IL12B: variants seen among roughly 807,000 people sequenced by gnomAD.
The protein encoded by IL12B is interleukin 12B.
Under a neutral mutation model 39.2 loss-of-function variants are expected in IL12B, and 27 were observed. The observed-to-expected ratio is 0.69, with a 90% confidence interval of 0.51 to 0.95. The LOEUF is 0.95. IL12B is among the 40% of genes least tolerant of loss of function. The pLI is 0.00. For missense variants in IL12B, 351 were observed against 397.6 expected, an observed-to-expected ratio of 0.88 and a Z score of 1.00; for synonymous variants, 142 against 152.1, an observed-to-expected ratio of 0.93 and a Z score of 0.49.
intron 1 of IL12B, among the ~76,000 whole-genome samples, chr5:159,328,213 T>C (rs561256946): frequency 2.6e-5 from 4 of 152,320 alleles, no homozygotes; most frequent in African/African-American, 9.6e-5. Flanking sequence ...TGGACACTGC[T>C]CAGTGCTGTC....
chr5:159,316,781 C>T lies in IL12B; in HGVS notation c.891G>A (p.Thr297=), dbSNP rs186003445. Residue 297 remains threonine (T), a synonymous_variant, in exon 7 of 8, where the codon ACG becomes ACA. Coordinates refer to ENST00000231228, the MANE Select transcript of IL12B (RefSeq NM_002187.3). ...TGCTGGCATTTTTGCGGCAGATGACCGTGGCTGAGGTCTTGTCCGTGAAGA... is the reference window on the plus strand; with the variant it reads ...TGCTGGCATTTTTGCGGCAGATGACTGTGGCTGAGGTCTTGTCCGTGAAGA... ...DRVFTDKTSA[T]VICRKNASIS... 72 of 1,614,094 alleles carry T rather than the reference C, an allele frequency of 4.5e-5. No individual in the cohort carries two copies. The highest frequency in any genetic ancestry group is 1.3e-4 in the African/African-American group (10 of 75,036).
In IL12B at chr5:159,318,935, T is replaced by C. The variant is rs1349384120; in HGVS notation, c.698-42A>G. 11 of 1,569,586 alleles carry C rather than the reference T, an allele frequency of 7.0e-6. No individual in the cohort carries two copies. The Admixed American group carries it at 1.8e-4, about 26-fold the overall frequency. ...ACATGCTTTATTTTCCTAATAAGGC[T>C]TTGGAGTTCAGTGGTTTTGGCTTAT... is the stretch of plus-strand genomic sequence containing the variant. On this transcript the variant is annotated intron_variant, in intron 5 of 7. Coordinates refer to ENST00000231228, the MANE Select transcript of IL12B (RefSeq NM_002187.3).
chr5:159,316,449 G>T (rs1753990923), intron 7 of IL12B, among the ~76,000 whole-genome samples: 1 of 152,208 alleles, frequency 6.6e-6, no homozygotes, highest in Non-Finnish European at 1.5e-5. Flanking sequence ...CTCTTTAGGA[G>T]GCCAGAACCC....
intron 1 of IL12B, among the ~76,000 whole-genome samples, 185 bp from the exon 2 acceptor site, chr5:159,326,967 T>G (rs1016465827): frequency 1.3e-5 from 2 of 152,128 alleles, no homozygotes; most frequent in African/African-American, 4.8e-5. Context: ...AAGCAAATAC[T>G]AAGTAAATTA....
intron 2 of IL12B, among the ~76,000 whole-genome samples, chr5:159,326,476 A>G (rs1754191492): frequency 6.6e-6 from 1 of 152,232 alleles, no homozygotes. Flanking sequence ...GTCTTTCCCC[A>G]CCATAGTGTA....
chr5:159,316,418 C>T (rs997093787), intron 7 of IL12B, among the ~76,000 whole-genome samples: 11 of 152,242 alleles, frequency 7.2e-5, no homozygotes, highest in African/African-American at 2.7e-4. Context: ...TCCTGGCTAC[C>T]TCTCTCTTTT....
intron 5 of IL12B, among the ~76,000 whole-genome samples, chr5:159,319,913 C>T (rs900969306): frequency 7.9e-5 from 12 of 152,142 alleles, no homozygotes; most frequent in African/African-American, 2.9e-4. Context: ...TTTTCAAATG[C>T]TAAGGAAGGA....
At chr5:159,326,649 G>T in intron 2 of IL12B, 46 bp downstream of exon 2, 1 of 1,371,226 alleles carries the variant, frequency 7.3e-7, no homozygotes, top group Non-Finnish European at 1.0e-6. Context: ...CAAGAGTCCT[G>T]GCTTAGAAGT....
rs981937590 is a variant in IL12B, at chr5:159,318,640, G to A, written c.855+96C>T. The stretch of plus-strand genomic sequence containing the variant: ...GTATCCCTGTTGTTAAGTGATACAT[G>A]GATGTCATTGTTATTATCATCATTC... On this transcript the variant is annotated intron_variant, in intron 6 of 7. Transcript: ENST00000231228. The A allele has an allele frequency of 2.7e-6, 3 of 1,104,504 alleles. No homozygotes were observed. In the African/African-American group the frequency reaches 4.6e-5, roughly 17 times the overall value. The allele number at this position is 1,104,504 out of a possible 1,614,324, so 68.4% of individuals were successfully genotyped here. A position where few individuals can be genotyped will look rare whatever the true frequency, so the allele number is the denominator to read the frequency against.
chr5:159,325,956 CTA>C (rs1754182038), intron 2 of IL12B, among the ~76,000 whole-genome samples: 1 of 152,152 alleles, frequency 6.6e-6, no homozygotes, highest in Non-Finnish European at 1.5e-5. Context: ...ATTAACTATT[CTA>C]TTAGTCTACT....
At chr5:159,329,580 C>T (rs1432392742) in intron 1 of IL12B, among the ~76,000 whole-genome samples, 1 of 152,076 alleles carries the variant, frequency 6.6e-6, no homozygotes, top group Non-Finnish European at 1.5e-5. Context: ...TGCACTTTAC[C>T]CCCAGAGTCC....
chr5:159,323,958 C>T (rs1004389033), intron 2 of IL12B, among the ~76,000 whole-genome samples: 1 of 150,718 alleles, frequency 6.6e-6, no homozygotes, highest in African/African-American at 2.4e-5. Flanking sequence ...ACAGTAAATT[C>T]GGTGTTAGTT....
chr5:159,327,263 C>T (rs1754207292), intron 1 of IL12B, among the ~76,000 whole-genome samples: 1 of 152,174 alleles, frequency 6.6e-6, no homozygotes, highest in South Asian at 2.1e-4. Context: ...TACTTTTACT[C>T]AATAAATATT....
chr5:159,330,326 A>G (rs1033049558), intron 1 of IL12B, 106 bp downstream of exon 1: 5 of 152,176 alleles, frequency 3.3e-5, no homozygotes, highest in Non-Finnish European at 5.9e-5. Context: ...GGAATCCACC[A>G]ACTCCCTCCT....
intron 2 of IL12B, 56 bp downstream of exon 2, chr5:159,326,639 C>A (rs1446887256): frequency 7.8e-7 from 1 of 1,275,928 alleles, no homozygotes; most frequent in Non-Finnish European, 1.1e-6. Flanking sequence ...AGTGGCTGCC[C>A]AAGAGTCCTG....
intron 2 of IL12B, among the ~76,000 whole-genome samples, chr5:159,325,820 C>A (rs944844499): frequency 6.6e-6 from 1 of 152,120 alleles, no homozygotes; most frequent in African/African-American, 2.4e-5. Context: ...AGATAGTAAT[C>A]GCCAACATTA....
rs772801025 is a variant in IL12B at position 159,322,437 on chromosome 5, T to C, written c.439A>G (p.Thr147Ala). 6.2e-7 allele frequency: 1 copy of C among 1,613,756 alleles called. No homozygotes were observed. Among genetic ancestry groups the C allele is most frequent in the Non-Finnish European group, 8.5e-7 (1 of 1,179,632 alleles). The change falls in exon 4 of 8, where the codon ACA becomes GCA. Residue 147 changes from threonine to alanine, a missense_variant. Physicochemically the swap from Thr to Ala is moderately conservative, Grantham distance 58. Coordinates refer to ENST00000231228, the MANE Select transcript of IL12B (RefSeq NM_002187.3). Reference sequence around the variant, plus strand: ...CTGAATGTCAAATCAGTACTGATTGTCGTCAGCCACCAGCAGGTGAAACGT... The same window carrying C: ...CTGAATGTCAAATCAGTACTGATTGCCGTCAGCCACCAGCAGGTGAAACGT... ...SGRFTCWWLT[T>A]ISTDLTFSVK...
intron 6 of IL12B, 23 bp downstream of exon 6, chr5:159,318,713 A>C: frequency 6.2e-7 from 1 of 1,612,870 alleles, no homozygotes; most frequent in East Asian, 2.2e-5. Flanking sequence ...CAAGGAATAT[A>C]CTGCACCTGA....
intron 2 of IL12B, among the ~76,000 whole-genome samples, chr5:159,326,450 A>G (rs558598129): frequency 6.0e-4 from 92 of 152,348 alleles, no homozygotes; most frequent in African/African-American, 2.1e-3. Flanking sequence ...TTTCCCCACC[A>G]TATCATATAT....
Sources: gnomAD v4.1 joint callset for allele counts (sites outside exome capture counted in the v4.1 genomes callset) on GRCh38, gnomAD v4.1.1 for gene constraint, MANE v1.5 for transcripts, NCBI Gene and HGNC (gene_info 2026-07-23, HGNC 2026-07-21) for gene names.